CYLD: variants seen among roughly 807,000 people sequenced by gnomAD.
The protein encoded by CYLD is CYLD lysine 63 deubiquitinase.
Under a neutral mutation model 104.5 loss-of-function variants are expected in CYLD, and 26 were observed. That is an observed-to-expected ratio of 0.25 (90% CI 0.18 to 0.35). The LOEUF (loss-of-function observed/expected upper bound fraction) is 0.35, where lower values mean the gene tolerates loss of function less well. CYLD is among the 10% of genes least tolerant of loss of function. The probability of loss-of-function intolerance (pLI) is 1.00; values close to 1 mark genes in which losing one functional copy is unlikely to be tolerated. For synonymous variants in CYLD, 385 were observed against 399.9 expected, an observed-to-expected ratio of 0.96 and a Z score of 0.45; for missense variants, 703 against 1,136.1, an observed-to-expected ratio of 0.62 and a Z score of 5.48.
chr16:50,779,668 C>T lies in CYLD; in HGVS notation c.1142C>T (p.Ala381Val), dbSNP rs768648222. Reference sequence around the variant, plus strand: ...GTAATTAGGAATAATTTTTTAGTTGCAGAAGACCCTGCAAAATCTCTTACA... The same window carrying T: ...GTAATTAGGAATAATTTTTTAGTTGTAGAAGACCCTGCAAAATCTCTTACA... The part of the protein sequence containing the change: ...SKNTWYIDEV[A>V]EDPAKSLTEI... Residue 381 changes from alanine (A) to valine (V), a missense_variant, in exon 9 of 19, where the codon GCA (alanine) becomes GTA (valine). Coordinates refer to ENST00000427738, the MANE Select transcript of CYLD (RefSeq NM_001378743.1). 16 of 1,613,514 alleles carry T rather than the reference C, an allele frequency of 9.9e-6. No homozygotes were observed. The highest frequency in any genetic ancestry group is 1.1e-5 in the Non-Finnish European group (13 of 1,179,816).
intron 4 of CYLD, among the ~76,000 whole-genome samples, chr16:50,753,365 C>T (rs1333622962): frequency 6.6e-6 from 1 of 152,200 alleles, no homozygotes; most frequent in Non-Finnish European, 1.5e-5. Context: ...TCTCCCCTTG[C>T]ATCAGGCTCT....
Position 50,799,917 on chromosome 16 carries a change from G to GT in CYLD, c.*3410dup, listed in dbSNP as rs1972337657. 4.3e-6 allele frequency: 1 copy of GT among 232,992 alleles called. No individual in the cohort carries two copies. Among genetic ancestry groups the GT allele is most frequent in the Non-Finnish European group, 8.5e-6 (1 of 117,908 alleles). The allele number at this position is 232,992 out of a possible 1,614,324, so 14.4% of individuals were successfully genotyped here. A position where few individuals can be genotyped will look rare whatever the true frequency, so the allele number is the denominator to read the frequency against. On this transcript the variant is annotated 3_prime_UTR_variant, in exon 19 of 19. Coordinates refer to ENST00000427738, the MANE Select transcript of CYLD (RefSeq NM_001378743.1). ...GGACACTTACTAGGTGCCTAGGATT[G>GT]TATCAGAGGGAATATGAAATGTGTC...
chr16:50,801,269 T>A lies in CYLD; in HGVS notation c.*4761T>A. On this transcript the variant is annotated 3_prime_UTR_variant, in exon 19 of 19. Transcript: ENST00000427738. Reference sequence around the variant, plus strand: ...AAAGGAAGGTCCTCCTCCTCCCTGATTGTAGCATCCAGCAGTCTCTGTAGC... The same window carrying A: ...AAAGGAAGGTCCTCCTCCTCCCTGAATGTAGCATCCAGCAGTCTCTGTAGC... The A allele has an allele frequency of 4.3e-6, 1 of 233,490 alleles. No homozygotes were observed. Among genetic ancestry groups the A allele is most frequent in the Admixed American group, 5.6e-5 (1 of 17,802 alleles). The allele number at this position is 233,490 out of a possible 1,614,324, so 14.5% of individuals were successfully genotyped here. A position where few individuals can be genotyped will look rare whatever the true frequency, so the allele number is the denominator to read the frequency against.
At chr16:50,757,795 C>G (rs2150930312) in intron 5 of CYLD, among the ~76,000 whole-genome samples, 1 of 152,338 alleles carries the variant, frequency 6.6e-6, no homozygotes, top group South Asian at 2.1e-4. Flanking sequence ...CTCGGCCTCC[C>G]AAAGTGCTGG....
At chr16:50,774,746 G>A (rs931516966) in intron 5 of CYLD, among the ~76,000 whole-genome samples, 1 of 152,146 alleles carries the variant, frequency 6.6e-6, no homozygotes, top group Non-Finnish European at 1.5e-5. Context: ...TAAAACTTAC[G>A]AATTGTCTGT....
At chr16:50,743,571 A>G (rs1360066089) in intron 2 of CYLD, among the ~76,000 whole-genome samples, 2 of 152,238 alleles carry the variant, frequency 1.3e-5, no homozygotes, top group Non-Finnish European at 2.9e-5. Flanking sequence ...TGGCACACCT[A>G]AACTGTGGTT....
intron 11 of CYLD, among the ~76,000 whole-genome samples, chr16:50,782,950 A>T (rs147594227): frequency 7.9e-6 from 1 of 126,516 alleles, no homozygotes; most frequent in East Asian, 2.4e-4. Context: ...TTTGAGACAG[A>T]GTCTCACTCT....
At chr16:50,745,203 C>T (rs759958776) in intron 2 of CYLD, among the ~76,000 whole-genome samples, 2 of 151,936 alleles carry the variant, frequency 1.3e-5, no homozygotes, top group African/African-American at 4.8e-5. Flanking sequence ...TCACACTGAC[C>T]CCTCACCCCC....
chr16:50,743,207 A>G (rs544545442), intron 2 of CYLD, among the ~76,000 whole-genome samples: 7 of 152,136 alleles, frequency 4.6e-5, no homozygotes, highest in Non-Finnish European at 7.4e-5. Flanking sequence ...AAGATTGTTC[A>G]TTTTGCAATC....
Position 50,779,799 on chromosome 16 carries a change from A to G in CYLD, c.1273A>G (p.Lys425Glu), listed in dbSNP as rs1282444959. The G allele has an allele frequency of 1.5e-5, 24 of 1,613,640 alleles. No individual in the cohort carries two copies. Among genetic ancestry groups the G allele is most frequent in the Non-Finnish European group, 2.0e-5 (24 of 1,179,958 alleles). Residue 425 changes from lysine (K) to glutamate (E), a missense_variant, in exon 9 of 19, where the codon AAG becomes GAG. By Grantham distance (56) the Lys-to-Glu change is moderately conservative. Transcript: ENST00000427738. ...RFHSLPFSLT[K>E]MPNTNGSIGH... ...CCACTCTTTACCATTCAGTCTCACCAAGATGCCCAATACCAATGGAAGTAT... is the reference window on the plus strand; with the variant it reads ...CCACTCTTTACCATTCAGTCTCACCGAGATGCCCAATACCAATGGAAGTAT...
chr16:50,787,926 A>G (rs2151018651), intron 14 of CYLD, 74 bp downstream of exon 14: 3 of 865,314 alleles, frequency 3.5e-6, no homozygotes, highest in East Asian at 5.1e-5. Flanking sequence ...TTCAACAGAC[A>G]TGATTTCCAG....
chr16:50,793,377 G>C (rs1220552224), intron 16 of CYLD, among the ~76,000 whole-genome samples, 169 bp from the exon 17 acceptor site: 1 of 152,180 alleles, frequency 6.6e-6, no homozygotes, highest in Admixed American at 6.5e-5. Flanking sequence ...TGTTTTTAAA[G>C]ATATTTCAAA....
intron 12 of CYLD, 145 bp downstream of exon 12, chr16:50,784,596 C>T: frequency 1.2e-6 from 1 of 860,438 alleles, no homozygotes; most frequent in Non-Finnish European, 1.8e-6. Context: ...CGTTTTTAAA[C>T]CTTTGGTCCT....
In CYLD at chr16:50,747,221, T is replaced by C. The variant is rs560046144; in HGVS notation, c.-123-2355T>C. 1.1e-4 allele frequency among the ~76,000 whole-genome samples: 16 copies of C among 152,352 alleles called. No homozygotes were observed. The East Asian group carries it at 3.1e-3, about 29-fold the overall frequency. ...CTTTCAGAATGTATGCATTCCTCTT[T>C]TCACGATTGTTGCTTTGTGTTTTCA... On this transcript the variant is annotated intron_variant, in intron 2 of 18. Transcript: ENST00000427738.
At chr16:50,757,809 T>C (rs1967437347) in intron 5 of CYLD, among the ~76,000 whole-genome samples, 1 of 152,234 alleles carries the variant, frequency 6.6e-6, no homozygotes, top group Admixed American at 6.5e-5. Flanking sequence ...GTGCTGGGAC[T>C]ACAGGCGTGA....
intron 14 of CYLD, among the ~76,000 whole-genome samples, chr16:50,789,812 A>G (rs753704245): frequency 5.9e-5 from 9 of 152,228 alleles, no homozygotes; most frequent in Non-Finnish European, 1.3e-4. Flanking sequence ...AAAGAACTAG[A>G]TGACAATGAA....
chr16:50,752,623 T>G (rs1966722119), intron 4 of CYLD, among the ~76,000 whole-genome samples: 1 of 152,204 alleles, frequency 6.6e-6, no homozygotes, highest in Non-Finnish European at 1.5e-5. Context: ...CTCCAGAACT[T>G]TTTCATCATC....
rs1033008834 is a variant in CYLD at position 50,798,769 on chromosome 16, G to T, written c.*2261G>T. ...CACCTGGTTTCAAAAGTCAGGTGTGGAGACTGTTAAATGGGAGGGCCTCAT... is the reference window on the plus strand; with the variant it reads ...CACCTGGTTTCAAAAGTCAGGTGTGTAGACTGTTAAATGGGAGGGCCTCAT... On this transcript the variant is annotated 3_prime_UTR_variant, in exon 19 of 19. Transcript: ENST00000427738. 1.1e-4 allele frequency: 25 copies of T among 233,372 alleles called. No individual in the cohort carries two copies. Among genetic ancestry groups the T allele is most frequent in the African/African-American group, 5.5e-4 (25 of 45,348 alleles). 14.5% of individuals were successfully genotyped at this position (233,372 alleles called of 1,614,324 possible). A position where few individuals can be genotyped will look rare whatever the true frequency, so the allele number is the denominator to read the frequency against.
At chr16:50,760,886 A>T (rs1967834399) in intron 5 of CYLD, among the ~76,000 whole-genome samples, 1 of 152,218 alleles carries the variant, frequency 6.6e-6, no homozygotes, top group Admixed American at 6.5e-5. Flanking sequence ...TCAGTCGTAG[A>T]TATAACAATT....
Sources: gnomAD v4.1 joint callset for allele counts (sites outside exome capture counted in the v4.1 genomes callset) on GRCh38, gnomAD v4.1.1 for gene constraint, MANE v1.5 for transcripts, NCBI Gene and HGNC (gene_info 2026-07-23, HGNC 2026-07-21) for gene names.